Variants in KIFC3 observed in about 807,000 individuals in gnomAD.
KIFC3 encodes the protein kinesin-like protein KIFC3.
A neutral mutation model predicts 101.8 loss-of-function variants in KIFC3; 60 were observed. That is an observed-to-expected ratio of 0.59 (90% confidence interval 0.48 to 0.73). The LOEUF is 0.73. KIFC3 is among the 30% of genes least tolerant of loss of function. The pLI is 0.00. For synonymous variants in KIFC3, 476 were observed against 482.7 expected, an observed-to-expected ratio of 0.99 and a Z score of 0.18; for missense variants, 966 against 1,137.1, an observed-to-expected ratio of 0.85 and a Z score of 2.16.
chr16:57,768,983 A>G (rs1437028800), intron 9 of KIFC3, among the ~76,000 whole-genome samples: 1 of 152,240 alleles, frequency 6.6e-6, no homozygotes, highest in Non-Finnish European at 1.5e-5. Context: ...CCTCGGCAAC[A>G]TAATGAACCC....
upstream of KIFC3, among the ~76,000 whole-genome samples, chr16:57,806,420 G>A (rs567672479): frequency 1.3e-5 from 2 of 152,086 alleles, no homozygotes; most frequent in East Asian, 1.9e-4. Context: ...ACCAGCAGGC[G>A]GGCTCAACTC....
intron 1 of KIFC3, among the ~76,000 whole-genome samples, chr16:57,840,006 TCCCAG>T: frequency 6.6e-6 from 1 of 152,136 alleles, no homozygotes; most frequent in Non-Finnish European, 1.5e-5. Flanking sequence ...TCCCCAGCCT[TCCCAG>T]TCTCAGTAAA....
chr16:57,760,501 C>A, intron 16 of KIFC3, 85 bp from the exon 17 acceptor site: 1 of 1,491,150 alleles, frequency 6.7e-7, no homozygotes, highest in Non-Finnish European at 9.2e-7. Flanking sequence ...CTGGGGCCGT[C>A]AGAAGGCTTC....
Position 57,758,593 on chromosome 16 carries a change from C to G in KIFC3, c.*341G>C, listed in dbSNP as rs982548404. 1.8e-5 allele frequency: 12 copies of G among 683,406 alleles called. No individual in the cohort carries two copies. The highest frequency in any genetic ancestry group is 2.7e-5 in the Non-Finnish European group (10 of 373,264). The allele number at this position is 683,406 out of a possible 1,614,324, so 42.3% of individuals were successfully genotyped here. ...AGCTGAGGAGAGGGGCCGAGAAAGC[C>G]TGGGTGAGAGGCCCACCCTCCTCCA... On this transcript the variant is annotated 3_prime_UTR_variant, in exon 20 of 20. Coordinates refer to ENST00000445690, the MANE Select transcript of KIFC3 (RefSeq NM_001130100.2).
chr16:57,774,818 C>A lies in KIFC3; in HGVS notation c.316-2530G>T, dbSNP rs187270570. On this transcript the variant is annotated intron_variant, in intron 3 of 19. Transcript: ENST00000445690. Reference sequence around the variant, plus strand: ...CTGGGATTACCGTTGTGAGCCCCTGCGCCCGGCCAGTAATTTTTCAGTCTC... The same window carrying A: ...CTGGGATTACCGTTGTGAGCCCCTGAGCCCGGCCAGTAATTTTTCAGTCTC... 71 of 1,233,748 alleles carry A rather than the reference C, an allele frequency of 5.8e-5. No homozygotes were observed. In the Admixed American group the frequency reaches 8.0e-4, roughly 14 times the overall value. 76.4% of individuals were successfully genotyped at this position (1,233,748 alleles called of 1,614,324 possible). A position where few individuals can be genotyped will look rare whatever the true frequency, so the allele number is the denominator to read the frequency against.
chr16:57,841,714 C>T (rs1596849096), intron 1 of KIFC3, among the ~76,000 whole-genome samples: 1 of 152,044 alleles, frequency 6.6e-6, no homozygotes, highest in East Asian at 1.9e-4. Flanking sequence ...CAAACTCTTT[C>T]CCATCGCCCA....
intron 3 of KIFC3, chr16:57,775,040 G>A: frequency 1.3e-6 from 2 of 1,520,222 alleles, no homozygotes; most frequent in African/African-American, 1.4e-5. Flanking sequence ...GGAGAGTGGG[G>A]TTTGCCAGTG....
chr16:57,860,158 C>T (rs1158733588), intron 1 of KIFC3, among the ~76,000 whole-genome samples: 1 of 151,862 alleles, frequency 6.6e-6, no homozygotes, highest in Non-Finnish European at 1.5e-5. Context: ...AGGCAGAGTA[C>T]AATTTAGAAA....
rs576156059 is a variant in KIFC3, at chr16:57,777,878, A to G, written c.316-5590T>C. Among the ~76,000 whole-genome samples, 6 of 152,370 alleles carry G rather than the reference A, an allele frequency of 3.9e-5. No homozygotes were observed. The South Asian group carries it at 1.2e-3, about 32-fold the overall frequency. On this transcript the variant is annotated intron_variant, in intron 3 of 19. Transcript: ENST00000445690. ...GATTTTTGACAAGGTTGCCAAGATCATTTAATGTGGGAAAGGATAATCTTT... is the reference window on the plus strand; with the variant it reads ...GATTTTTGACAAGGTTGCCAAGATCGTTTAATGTGGGAAAGGATAATCTTT...
chr16:57,836,235 C>A (rs1360908110), intron 1 of KIFC3, among the ~76,000 whole-genome samples: 1 of 152,204 alleles, frequency 6.6e-6, no homozygotes, highest in East Asian at 1.9e-4. Context: ...CCACCTCAGG[C>A]TCCCAAATAG....
rs542300770 is a variant in KIFC3, at chr16:57,850,579, G to A, written c.108+12150C>T. Among the ~76,000 whole-genome samples the A allele has an allele frequency of 1.9e-3, 267 of 140,086 alleles. 1 individual carries two copies. Among genetic ancestry groups the A allele is most frequent in the African/African-American group, 6.2e-3 (233 of 37,302 alleles). 91.9% of individuals were successfully genotyped at this position (140,086 alleles called of 152,430 possible). ...AAACCTCCATCCACCAGGTTCAAGC[G>A]ATTCTCCTGCCTCAGCCTCCCAAAT... On this transcript the variant is annotated intron_variant, in intron 1 of 2. Transcript: ENST00000563028.
chr16:57,832,773 C>T (rs1026949331), intron 1 of KIFC3, among the ~76,000 whole-genome samples: 4 of 152,104 alleles, frequency 2.6e-5, no homozygotes, highest in Admixed American at 1.3e-4. Flanking sequence ...CGGAGGGCTC[C>T]GGGTAAAGTC....
chr16:57,761,904 T>A (rs1249822451), intron 13 of KIFC3, among the ~76,000 whole-genome samples: 1 of 150,896 alleles, frequency 6.6e-6, no homozygotes, highest in Non-Finnish European at 1.5e-5. Flanking sequence ...GACGGCCTCA[T>A]CTGGTCCCTA....
chr16:57,811,347 T>C (rs1207058310), intron 1 of KIFC3, among the ~76,000 whole-genome samples: 1 of 152,140 alleles, frequency 6.6e-6, no homozygotes, highest in Non-Finnish European at 1.5e-5. Flanking sequence ...GGGAATGTTA[T>C]GGTATGATAA....
At chr16:57,795,628 C>G (rs906730216) in intron 2 of KIFC3, among the ~76,000 whole-genome samples, 2 of 152,238 alleles carry the variant, frequency 1.3e-5, no homozygotes, top group African/African-American at 4.8e-5. Flanking sequence ...TATTCAGAAC[C>G]AGCTAACGTG....
chr16:57,797,822 T>G (rs1327423610), intron 2 of KIFC3: 1 of 1,412,586 alleles, frequency 7.1e-7, no homozygotes, highest in Non-Finnish European at 9.2e-7. Context: ...CCCCCTGCTC[T>G]GTGCCCGACC....
chr16:57,759,234 T>C (rs71387193), intron 18 of KIFC3, 81 bp from the exon 19 acceptor site: 120,466 of 1,501,860 alleles, frequency 0.08, 5,254 homozygotes, highest in South Asian at 0.12. Context: ...TGCTACCCCT[T>C]TGGACTCAAG....
intron 1 of KIFC3, among the ~76,000 whole-genome samples, chr16:57,841,741 T>C (rs990366441): frequency 1.3e-5 from 2 of 152,156 alleles, no homozygotes; most frequent in African/African-American, 4.8e-5. Context: ...CTTATAGCAT[T>C]TGCCAAGGGC....
At chr16:57,814,962 C>G (rs2967148) in intron 1 of KIFC3, among the ~76,000 whole-genome samples, 8,726 of 152,222 alleles carry the variant, frequency 0.057, 370 homozygotes, top group East Asian at 0.24. Flanking sequence ...ACCTAGTGCA[C>G]AGCAGACACT....
Sources: allele counts gnomAD v4.1 joint callset (sites outside exome capture counted in the v4.1 genomes callset), GRCh38; gene constraint gnomAD v4.1.1; transcripts MANE v1.5; gene names NCBI Gene and HGNC (gene_info 2026-07-23, HGNC 2026-07-21).